The following DDAH1 variants were observed in gnomAD, a reference collection of about 807,000 sequenced individuals.
DDAH1 encodes the protein dimethylarginine dimethylaminohydrolase 1, also known as N(G),N(G)-dimethylarginine dimethylaminohydrolase 1.
Under a neutral mutation model 28.8 loss-of-function variants are expected in DDAH1, and 19 were observed. That is an observed-to-expected ratio of 0.66 (90% CI 0.46 to 0.97). The LOEUF (loss-of-function observed/expected upper bound fraction) is 0.97, where lower values mean the gene tolerates loss of function less well. Among genes scored for constraint, DDAH1 ranks in the 50% least tolerant of loss-of-function variants. The pLI is 0.00. For synonymous variants in DDAH1, 153 were observed against 154.4 expected, an observed-to-expected ratio of 0.99 and a Z score of 0.07; for missense variants, 326 against 375.9, an observed-to-expected ratio of 0.87 and a Z score of 1.10.
intron 4 of DDAH1, among the ~76,000 whole-genome samples, chr1:85,332,270 T>C (rs956221314): frequency 6.6e-6 from 1 of 152,048 alleles, no homozygotes; most frequent in African/African-American, 2.4e-5. Context: ...GCAATGCAGG[T>C]TGGACACAGT....
At chr1:85,398,664 T>C (rs1651927389) in intron 1 of DDAH1, 1 of 152,224 alleles carries the variant, frequency 6.6e-6, no homozygotes, top group Non-Finnish European at 1.5e-5. Context: ...GGTTGAGAAT[T>C]TGCTAACTGC....
chr1:85,377,850 C>A (rs1293237618), intron 1 of DDAH1, among the ~76,000 whole-genome samples: 1 of 151,956 alleles, frequency 6.6e-6, no homozygotes, highest in Non-Finnish European at 1.5e-5. Flanking sequence ...GGCTGCCCAC[C>A]TAAAGAATTG....
intron 4 of DDAH1, among the ~76,000 whole-genome samples, chr1:85,340,088 A>G (rs1267155810): frequency 6.6e-6 from 1 of 152,222 alleles, no homozygotes; most frequent in African/African-American, 2.4e-5. Flanking sequence ...GAGAGAGAGT[A>G]ACAGATGAAA....
chr1:85,362,120 AT>A (rs201167891), intron 1 of DDAH1, among the ~76,000 whole-genome samples: 9 of 150,196 alleles, frequency 6.0e-5, no homozygotes, highest in Middle Eastern at 3.4e-3. Context: ...AAAATTATAG[AT>A]TTTTTTTTTG....
chr1:85,475,290 C>T (rs928430191), intron 2 of DDAH1, among the ~76,000 whole-genome samples: 1 of 152,088 alleles, frequency 6.6e-6, no homozygotes, highest in Admixed American at 6.5e-5. Flanking sequence ...AGCAAGTGCT[C>T]AACAAACGTT....
intron 1 of DDAH1, among the ~76,000 whole-genome samples, chr1:85,518,066 C>A (rs887051917): frequency 6.6e-6 from 1 of 152,158 alleles, no homozygotes; most frequent in Non-Finnish European, 1.5e-5. Context: ...AGATGTGTGG[C>A]ACAAGTGATA....
intron 2 of DDAH1, among the ~76,000 whole-genome samples, chr1:85,472,695 T>C (rs1655656854): frequency 6.6e-6 from 1 of 152,210 alleles, no homozygotes; most frequent in Non-Finnish European, 1.5e-5. Flanking sequence ...TGATGTATTA[T>C]GGTAATAAGC....
upstream of DDAH1, among the ~76,000 whole-genome samples, chr1:85,466,829 A>ATT (rs1158919618): frequency 2.1e-5 from 1 of 46,578 alleles, no homozygotes; most frequent in African/African-American, 7.4e-5. Flanking sequence ...TTCATTATTT[A>ATT]TTCTTTTTTT....
rs370672955 is a variant in DDAH1 at position 85,464,471 on chromosome 1, G to A, written c.303+272C>T. 30 of 1,513,544 alleles carry A rather than the reference G, an allele frequency of 2.0e-5. No homozygotes were observed. Among genetic ancestry groups the A allele is most frequent in the East Asian group, 1.5e-4 (6 of 39,522 alleles). The allele number at this position is 1,513,544 out of a possible 1,614,324, so 93.8% of individuals were successfully genotyped here. ...AATTTTCACAAATAAAAATGCCCGT[G>A]AGACGGAATCCCCCGCCCACCCACC... On this transcript the variant is annotated intron_variant, in intron 1 of 5. Transcript: ENST00000284031. The surrounding 1 kb of genome is among the most constrained non-coding windows in gnomAD (Gnocchi z 4.4).
At chr1:85,337,910 T>C (rs1394978433) in intron 4 of DDAH1, among the ~76,000 whole-genome samples, 1 of 152,226 alleles carries the variant, frequency 6.6e-6, no homozygotes, top group African/African-American at 2.4e-5. Context: ...GTCCACACTT[T>C]TGCATTATCC....
intron 1 of DDAH1, among the ~76,000 whole-genome samples, chr1:85,397,607 T>G (rs182036269): frequency 2.6e-4 from 39 of 152,322 alleles, no homozygotes; most frequent in African/African-American, 8.7e-4. Context: ...AATTGAAACA[T>G]TCCATCTTTC....
chr1:85,452,588 G>A (rs1377254161), intron 1 of DDAH1, among the ~76,000 whole-genome samples: 1 of 151,460 alleles, frequency 6.6e-6, no homozygotes, highest in Non-Finnish European at 1.5e-5. Context: ...ATCCACTTAC[G>A]AGTTGAACTT....
intron 1 of DDAH1, among the ~76,000 whole-genome samples, chr1:85,366,700 G>T (rs994870996): frequency 6.6e-6 from 1 of 152,174 alleles, no homozygotes; most frequent in East Asian, 1.9e-4. Flanking sequence ...GAGGCAAGAG[G>T]CTGGATATAT....
At chr1:85,566,081 C>CAAA (rs35607554) in intron 1 of DDAH1, among the ~76,000 whole-genome samples, 2 of 143,104 alleles carry the variant, frequency 1.4e-5, no homozygotes, top group African/African-American at 2.6e-5. Context: ...AACTCTGTCT[C>CAAA]AAAAAAAAAA....
At chr1:85,419,141 T>C (rs1441536307) in intron 1 of DDAH1, among the ~76,000 whole-genome samples, 1 of 152,130 alleles carries the variant, frequency 6.6e-6, no homozygotes, top group Non-Finnish European at 1.5e-5. Flanking sequence ...ATTAAAATTG[T>C]AAAAGTGTTA....
At chr1:85,547,001 T>G (rs1207041221) in intron 1 of DDAH1, among the ~76,000 whole-genome samples, 1 of 152,100 alleles carries the variant, frequency 6.6e-6, no homozygotes, top group Non-Finnish European at 1.5e-5. Flanking sequence ...GGGATTGAGT[T>G]AGACCCACAG....
intron 1 of DDAH1, among the ~76,000 whole-genome samples, chr1:85,389,200 C>G (rs1241256265): frequency 6.6e-6 from 1 of 152,024 alleles, no homozygotes; most frequent in Non-Finnish European, 1.5e-5. Context: ...ATTAAATGCA[C>G]TCCAGCCTGG....
chr1:85,400,395 G>C (rs576498738), intron 1 of DDAH1, among the ~76,000 whole-genome samples: 1 of 151,058 alleles, frequency 6.6e-6, no homozygotes, highest in South Asian at 2.1e-4. Context: ...GTAGAGAGAG[G>C]GTTTTGCCCT....
Position 85,465,022 on chromosome 1 carries a change from G to A in DDAH1, c.24C>T (p.Ala8=), listed in dbSNP as rs1303338578. The change falls in exon 1 of 6, where the codon GCC becomes GCT. Residue 8 remains alanine, a synonymous_variant. Coordinates refer to ENST00000284031, the MANE Select transcript of DDAH1 (RefSeq NM_012137.4). ...CGGCGTGGGTGGCCCGGCCGAAGGC[G>A]GCGGGGTGGCCGAGCCCGGCCATGG... MAGLGHP[A]AFGRATHAVV... is the part of the protein sequence containing the mutation. 7 of 1,330,250 alleles carry A rather than the reference G, an allele frequency of 5.3e-6. No individual in the cohort carries two copies. In the East Asian group the frequency reaches 9.3e-5, roughly 18 times the overall value. The allele number at this position is 1,330,250 out of a possible 1,614,324, so 82.4% of individuals were successfully genotyped here.
Sources: gnomAD v4.1 joint callset for allele counts (sites outside exome capture counted in the v4.1 genomes callset) on GRCh38, gnomAD v4.1.1 for gene constraint, Gnocchi (gnomAD v3.1) non-coding constraint, MANE v1.5 for transcripts, NCBI Gene and HGNC (gene_info 2026-07-23, HGNC 2026-07-21) for gene names.